The following TXNDC11 variants were observed in gnomAD, a reference collection of about 807,000 sequenced individuals.
TXNDC11 encodes thioredoxin domain-containing protein 11.
TXNDC11 carries 68 observed loss-of-function variants against 78.0 expected under a neutral mutation model. The ratio of observed to expected loss-of-function variants is 0.87; its 90% CI spans 0.72 to 1.07. TXNDC11 has a LOEUF of 1.07. Among genes scored for constraint, TXNDC11 ranks in the 50% least tolerant of loss-of-function variants. The pLI is 0.00. For missense variants in TXNDC11, 1,389 were observed against 1,221.8 expected (o/e 1.14, Z -2.04); for synonymous variants, 571 against 495.2 (o/e 1.15, Z -2.03).
At chr16:11,722,656 A>C (rs2051744517) in intron 4 of TXNDC11, among the ~76,000 whole-genome samples, 1 of 152,222 alleles carries the variant, frequency 6.6e-6, no homozygotes, top group Non-Finnish European at 1.5e-5. Flanking sequence ...TCACAGGGTT[A>C]GGCAAAGAGC....
intron 3 of TXNDC11, among the ~76,000 whole-genome samples, chr16:11,731,687 TCACA>T (rs34570874): frequency 1.6e-3 from 230 of 143,838 alleles, no homozygotes; most frequent in African/African-American, 4.5e-3. Flanking sequence ...TTACAGAAAT[TCACA>T]CACACACACA....
At chr16:11,684,936 A>G (rs1381273321) in intron 10 of TXNDC11, among the ~76,000 whole-genome samples, 2 of 152,254 alleles carry the variant, frequency 1.3e-5, no homozygotes, top group Non-Finnish European at 2.9e-5. Flanking sequence ...CTATTCATAA[A>G]CAGTGCACAC....
chr16:11,703,509 T>TAC (rs34963301), intron 5 of TXNDC11, among the ~76,000 whole-genome samples: 4,114 of 144,986 alleles, frequency 0.028, 74 homozygotes, highest in African/African-American at 0.052. Flanking sequence ...AGGCTTTTGA[T>TAC]ACACACACAC....
chr16:11,689,584 G>T (rs2050655703), intron 8 of TXNDC11, among the ~76,000 whole-genome samples: 1 of 152,262 alleles, frequency 6.6e-6, no homozygotes, highest in Middle Eastern at 3.4e-3. Flanking sequence ...GAACAGCTAG[G>T]CTAAACATTT....
At chr16:11,742,313 G>A (rs1253020786) in intron 1 of TXNDC11, 164 bp downstream of exon 1, 3 of 508,458 alleles carry the variant, frequency 5.9e-6, no homozygotes, top group Non-Finnish European at 9.7e-6. Context: ...GGGGCGAGGA[G>A]AAGGTGGGAA....
intron 4 of TXNDC11, among the ~76,000 whole-genome samples, chr16:11,730,343 C>T (rs192159024): frequency 4.4e-4 from 67 of 152,250 alleles, no homozygotes; most frequent in Non-Finnish European, 7.2e-4. Context: ...TGCAGTTGCA[C>T]ATAAATTGTA....
In TXNDC11 at chr16:11,687,838, G is replaced by T; in HGVS notation, c.2153+19C>A. ...AAATGGGCATACAGCCCAAAGCGCT[G>T]CAGAAGAGGCCTGCTTACCTTGCCA... On this transcript the variant is annotated intron_variant, in intron 10 of 11. Transcript: ENST00000283033. 1 of 1,555,800 alleles carries T rather than the reference G, an allele frequency of 6.4e-7. No homozygotes were observed.
rs184492186 is a variant in TXNDC11 at position 11,691,582 on chromosome 16, G to C, written c.1608C>G (p.Ser536=). 6 of 1,614,180 alleles carry C rather than the reference G, an allele frequency of 3.7e-6. No homozygotes were observed. Among genetic ancestry groups the C allele is most frequent in the Non-Finnish European group, 5.1e-6 (6 of 1,180,046 alleles). Residue 536 remains serine, a synonymous_variant, in exon 8 of 12, where the codon TCC becomes TCG. Coordinates refer to ENST00000283033, the MANE Select transcript of TXNDC11 (RefSeq NM_015914.7). ...CATCAACCTCACATTTCTTCTCAAG[G>C]GAAGAAAATGCAACAGTAGGGGCTT... ...VFEAPTVAFS[S]LEKKCEVDAP... is the part of the protein sequence containing the mutation.
intron 2 of TXNDC11, among the ~76,000 whole-genome samples, chr16:11,734,568 G>C (rs896551519): frequency 6.6e-6 from 1 of 152,178 alleles, no homozygotes; most frequent in African/African-American, 2.4e-5. Context: ...TTGAGAATTG[G>C]CATGGGGCCT....
intron 7 of TXNDC11, among the ~76,000 whole-genome samples, chr16:11,694,748 C>T (rs1185200411): frequency 6.6e-6 from 1 of 152,238 alleles, no homozygotes; most frequent in African/African-American, 2.4e-5. Flanking sequence ...CCACTGCGCC[C>T]AGCCAGCAAT....
At chr16:11,694,409 A>C (rs576544516) in intron 7 of TXNDC11, among the ~76,000 whole-genome samples, 1 of 149,624 alleles carries the variant, frequency 6.7e-6, no homozygotes. Context: ...CAGGGCTGTA[A>C]TCCCACTGGG....
chr16:11,702,902 T>C (rs1255939196), intron 5 of TXNDC11, among the ~76,000 whole-genome samples: 1 of 152,052 alleles, frequency 6.6e-6, no homozygotes, highest in Non-Finnish European at 1.5e-5. Flanking sequence ...CCAGAGTCAA[T>C]AATTTTTCAT....
intron 5 of TXNDC11, among the ~76,000 whole-genome samples, chr16:11,701,612 T>G (rs1425263933): frequency 6.6e-6 from 1 of 152,102 alleles, no homozygotes; most frequent in Non-Finnish European, 1.5e-5. Flanking sequence ...ATTGTTAACA[T>G]GGACAAACCA....
chr16:11,729,094 C>T (rs963162913), intron 4 of TXNDC11, among the ~76,000 whole-genome samples: 16 of 152,192 alleles, frequency 1.1e-4, no homozygotes, highest in African/African-American at 3.1e-4. Flanking sequence ...TGTGCCATCC[C>T]GAGTGGCTCT....
rs997735212 is a variant in TXNDC11 at position 11,742,735 on chromosome 16, T to C, written c.-5A>G. The C allele has an allele frequency of 1.0e-5, 15 of 1,468,310 alleles. No individual in the cohort carries two copies. The highest frequency in any genetic ancestry group is 2.8e-5 in the East Asian group (1 of 36,230). The allele number at this position is 1,468,310 out of a possible 1,614,324, so 91.0% of individuals were successfully genotyped here. On this transcript the variant is annotated 5_prime_UTR_variant, in exon 1 of 12. The change abolishes an upstream ATG in the 5' untranslated region. Coordinates refer to ENST00000283033, the MANE Select transcript of TXNDC11 (RefSeq NM_015914.7). ...GCGGCCTCCGCATTCCGACATTACA[T>C]GCTCCCAGTCGCCGGCTTTATACCG...
chr16:11,724,732 G>T (rs2051822697), intron 4 of TXNDC11, among the ~76,000 whole-genome samples: 1 of 152,132 alleles, frequency 6.6e-6, no homozygotes, highest in Non-Finnish European at 1.5e-5. Flanking sequence ...TGGAGTAACT[G>T]AAGTAAGTAG....
At chr16:11,731,947 C>A (rs1440478039) in intron 3 of TXNDC11, among the ~76,000 whole-genome samples, 1 of 152,076 alleles carries the variant, frequency 6.6e-6, no homozygotes. Flanking sequence ...AAAAAAGCAT[C>A]TAACTTATTT....
At chr16:11,683,409 G>C (rs1012504508) in intron 11 of TXNDC11, among the ~76,000 whole-genome samples, 7 of 152,140 alleles carry the variant, frequency 4.6e-5, no homozygotes, top group South Asian at 2.1e-4. Context: ...ACGTGCCATG[G>C]GTAAGAAAGC....
Position 11,679,849 on chromosome 16 carries a change from G to A in TXNDC11, c.2235-12C>T. 1 of 1,598,126 alleles carries A rather than the reference G, an allele frequency of 6.3e-7. No homozygotes were observed. Among genetic ancestry groups the A allele is most frequent in the Non-Finnish European group, 8.6e-7 (1 of 1,169,234 alleles). On this transcript the variant is annotated splice_polypyrimidine_tract_variant and intron_variant, in intron 11 of 11. Coordinates refer to ENST00000283033, the MANE Select transcript of TXNDC11 (RefSeq NM_015914.7). The surrounding 1 kb of genome is among the most constrained non-coding windows in gnomAD (Gnocchi z 4.6). ...CACTTAGGTCCTTTCTGGAGAGAGAGGGAAAGGAAGCAAAGACAGGAGTCA... is the reference window on the plus strand; with the variant it reads ...CACTTAGGTCCTTTCTGGAGAGAGAAGGAAAGGAAGCAAAGACAGGAGTCA...
Sources: allele counts gnomAD v4.1 joint callset (sites outside exome capture counted in the v4.1 genomes callset), GRCh38; gene constraint gnomAD v4.1.1; non-coding constraint Gnocchi (gnomAD v3.1); transcripts MANE v1.5; gene names NCBI Gene and HGNC (gene_info 2026-07-23, HGNC 2026-07-21).